The following ACSF3 variants were observed in gnomAD, a reference collection of about 807,000 sequenced individuals.
The protein encoded by ACSF3 is acyl-CoA synthetase family member 3, also known as malonate--CoA ligase ACSF3, mitochondrial.
In ACSF3, 78 loss-of-function variants were observed where a neutral mutation model predicts 53.2. The observed-to-expected ratio is 1.47, with a 90% CI of 1.22 to 1.77. The LOEUF (loss-of-function observed/expected upper bound fraction) is 1.77. Ranked by LOEUF, ACSF3 falls within the 40% of genes most tolerant of loss-of-function variation. The probability of loss-of-function intolerance (pLI) is 0.00; values close to 1 mark genes in which losing one functional copy is unlikely to be tolerated. For synonymous variants in ACSF3, 414 were observed against 333.1 expected, an observed-to-expected ratio of 1.24 and a Z score of -2.65; for missense variants, 937 against 771.1, an observed-to-expected ratio of 1.22 and a Z score of -2.55.
chr16:89,117,818 G>A (rs74036121), intron 6 of ACSF3, among the ~76,000 whole-genome samples: 2,323 of 152,252 alleles, frequency 0.015, 55 homozygotes, highest in African/African-American at 0.052. Context: ...TGAGGAGGGG[G>A]ATCCAGAGAC....
intron 8 of ACSF3, among the ~76,000 whole-genome samples, chr16:89,139,729 G>A (rs1911375487): frequency 6.6e-6 from 1 of 151,584 alleles, no homozygotes. Flanking sequence ...AGAGTAGCTG[G>A]GATTACAGGC....
intron 6 of ACSF3, 116 bp downstream of exon 6, chr16:89,114,603 C>T (rs373656063): frequency 2.7e-5 from 40 of 1,489,872 alleles, no homozygotes; most frequent in South Asian, 1.2e-4. Context: ...GATGCTCCCC[C>T]GTGGGACAGG....
chr16:89,118,058 GGCA>G (rs1267379469), intron 6 of ACSF3, among the ~76,000 whole-genome samples: 2 of 151,314 alleles, frequency 1.3e-5, no homozygotes, highest in Non-Finnish European at 2.9e-5. Context: ...CAGAGCCCAC[GGCA>G]GGTTCCCTCG....
chr16:89,131,887 G>T (rs1909396883), intron 7 of ACSF3, among the ~76,000 whole-genome samples: 1 of 152,278 alleles, frequency 6.6e-6, no homozygotes, highest in South Asian at 2.1e-4. Context: ...GCACTGCACG[G>T]AAAGCCCCGT....
At chr16:89,143,423 C>G (rs907394269) in intron 8 of ACSF3, among the ~76,000 whole-genome samples, 2 of 152,052 alleles carry the variant, frequency 1.3e-5, no homozygotes, top group African/African-American at 4.8e-5. Context: ...CAGGGTGGAG[C>G]CAGGCCAGAA....
intron 8 of ACSF3, among the ~76,000 whole-genome samples, chr16:89,135,402 C>T (rs1269859664): frequency 6.6e-6 from 1 of 152,248 alleles, no homozygotes; most frequent in African/African-American, 2.4e-5. Context: ...GTGGCAGTTC[C>T]GCACGTTTGC....
At chr16:89,095,088 G>T (rs917342325) in intron 1 of ACSF3, 1 of 152,254 alleles carries the variant, frequency 6.6e-6, no homozygotes, top group Non-Finnish European at 1.5e-5. Context: ...TTGAGGAGGG[G>T]GTTCACATGG....
At chr16:89,106,355 C>T (rs1975985064) in intron 4 of ACSF3, among the ~76,000 whole-genome samples, 1 of 151,410 alleles carries the variant, frequency 6.6e-6, no homozygotes, top group Non-Finnish European at 1.5e-5. Context: ...TGCAGTGGCA[C>T]GATCTCGGCT....
intron 4 of ACSF3, among the ~76,000 whole-genome samples, chr16:89,106,324 G>A (rs760514105): frequency 1.3e-5 from 2 of 148,708 alleles, no homozygotes; most frequent in Admixed American, 6.8e-5. Flanking sequence ...ATGGAGTCTC[G>A]CACTGTTAGC....
intron 7 of ACSF3, among the ~76,000 whole-genome samples, chr16:89,129,870 T>G (rs931926581): frequency 6.6e-6 from 1 of 152,244 alleles, no homozygotes; most frequent in Non-Finnish European, 1.5e-5. Flanking sequence ...CAGAAGAATG[T>G]AGAGCCACAT....
At chr16:89,100,287 C>T (rs1271614850) in intron 2 of ACSF3, among the ~76,000 whole-genome samples, 1 of 152,260 alleles carries the variant, frequency 6.6e-6, no homozygotes, top group Non-Finnish European at 1.5e-5. Context: ...CTCTTCTCTG[C>T]ACTTCCCCCT....
At chr16:89,128,391 G>C (rs539123922) in intron 7 of ACSF3, among the ~76,000 whole-genome samples, 14 of 151,926 alleles carry the variant, frequency 9.2e-5, no homozygotes, top group African/African-American at 3.1e-4. Flanking sequence ...CTCCTGAGTA[G>C]CTGGGAGTAT....
At chr16:89,103,520 C>T (rs1231341999) in intron 4 of ACSF3, among the ~76,000 whole-genome samples, 2 of 152,254 alleles carry the variant, frequency 1.3e-5, no homozygotes, top group Non-Finnish European at 2.9e-5. Context: ...TCCCTTTGTG[C>T]AGCCTATGCG....
intron 8 of ACSF3, 165 bp from the exon 9 acceptor site, chr16:89,145,102 C>T (rs945660946): frequency 1.9e-6 from 3 of 1,565,062 alleles, no homozygotes; most frequent in Non-Finnish European, 2.6e-6. Flanking sequence ...GCTTACCTGG[C>T]ATAGCTGTTT....
At position 89,100,711 on chromosome 16, in the gene ACSF3, G is replaced by A. The variant is rs1040960753; in HGVS notation, c.30G>A (p.Arg10=). The stretch of plus-strand genomic sequence containing the variant: ...TGCCCCATGTGGTGCTCACCTTCCG[G>A]CGCCTGGGCTGCGCCTTGGCGTCCT... MLPHVVLTF[R]RLGCALASCR... Residue 10 remains arginine, a synonymous_variant, in exon 3 of 11, where the codon CGG becomes CGA. Transcript: ENST00000614302. The A allele has an allele frequency of 5.0e-6, 8 of 1,599,426 alleles. No homozygotes were observed. The highest frequency in any genetic ancestry group is 4.2e-6 in the Non-Finnish European group (5 of 1,178,790).
intron 7 of ACSF3, among the ~76,000 whole-genome samples, chr16:89,125,714 G>GAGAGAA (rs1907895310): frequency 6.6e-6 from 1 of 151,904 alleles, no homozygotes; most frequent in African/African-American, 2.4e-5. Flanking sequence ...GAGAGAGAGA[G>GAGAGAA]AGAGATGTTG....
At chr16:89,136,875 C>G in intron 8 of ACSF3, 1 of 1,265,948 alleles carries the variant, frequency 7.9e-7, no homozygotes, top group Non-Finnish European at 1.0e-6. Flanking sequence ...CGTCAAAGGT[C>G]TGTCTCAGGT....
Position 89,155,641 on chromosome 16 carries a change from G to A in ACSF3, c.*1434G>A. On this transcript the variant is annotated 3_prime_UTR_variant, in exon 11 of 11. Coordinates refer to ENST00000614302, the MANE Select transcript of ACSF3 (RefSeq NM_001243279.3). ...TCCCGCCAGAGGCCTGGACCCAAGG[G>A]AACGGCAGTCAGAGACTACAGTCCA... 2.2e-6 allele frequency: 1 copy of A among 454,138 alleles called. No homozygotes were observed. The highest frequency in any genetic ancestry group is 4.4e-6 in the Non-Finnish European group (1 of 226,784). 28.1% of individuals were successfully genotyped at this position (454,138 alleles called of 1,614,324 possible). A position where few individuals can be genotyped will look rare whatever the true frequency, so the allele number is the denominator to read the frequency against.
intron 8 of ACSF3, among the ~76,000 whole-genome samples, chr16:89,139,693 A>G (rs1321981625): frequency 1.3e-5 from 2 of 150,582 alleles, no homozygotes; most frequent in South Asian, 2.1e-4. Context: ...TCCGGGTTCA[A>G]GCAATTCTCC....
Sources: gnomAD v4.1 joint callset for allele counts (sites outside exome capture counted in the v4.1 genomes callset) on GRCh38, gnomAD v4.1.1 for gene constraint, MANE v1.5 for transcripts, NCBI Gene and HGNC (gene_info 2026-07-23, HGNC 2026-07-21) for gene names.